PHOX2A: variants seen among roughly 807,000 people sequenced by gnomAD.
The protein encoded by PHOX2A is paired mesoderm homeobox protein 2A.
PHOX2A carries 10 observed loss-of-function variants against 16.4 expected under a neutral mutation model. That is an observed-to-expected ratio of 0.61 (90% CI 0.38 to 1.04). The LOEUF (loss-of-function observed/expected upper bound fraction) is 1.04, where lower values mean the gene tolerates loss of function less well. Ranked by LOEUF, PHOX2A falls within the 50% of genes least tolerant of loss-of-function variation. The pLI, the probability that PHOX2A is intolerant of heterozygous loss-of-function variation, is 0.01. For synonymous variants in PHOX2A, 219 were observed against 203.8 expected, an observed-to-expected ratio of 1.07 and a Z score of -0.64; for missense variants, 361 against 419.4, an observed-to-expected ratio of 0.86 and a Z score of 1.22.
At chr11:72,240,299 C>T in intron 2 of PHOX2A, 101 bp from the exon 3 acceptor site, 1 of 1,469,004 alleles carries the variant, frequency 6.8e-7, no homozygotes, top group Non-Finnish European at 9.0e-7. Flanking sequence ...CGGAAAGAAC[C>T]GGGCCCGGGT....
chr11:72,244,121 G>C lies in PHOX2A; in HGVS notation c.-117C>G. ...CGAGGACCCGAGGCCAGCTCTGAGC[G>C]CCCGAGAGTCCGCCCGCCCCGTCGC... On this transcript the variant is annotated 5_prime_UTR_variant, in exon 1 of 3. Transcript: ENST00000298231. 1 of 453,160 alleles carries C rather than the reference G, an allele frequency of 2.2e-6. No homozygotes were observed. The highest frequency in any genetic ancestry group is 3.6e-6 in the Non-Finnish European group (1 of 276,836). The allele number at this position is 453,160 out of a possible 1,614,324, so 28.1% of individuals were successfully genotyped here.
Position 72,241,226 on chromosome 11 carries a change from C to A in PHOX2A, c.281G>T (p.Arg94Leu). 1 of 1,580,224 alleles carries A rather than the reference C, an allele frequency of 6.3e-7. No individual in the cohort carries two copies. The highest frequency in any genetic ancestry group is 8.6e-7 in the Non-Finnish European group (1 of 1,163,108). The change falls in exon 2 of 3, where the codon CGC becomes CTC. Residue 94 changes from arginine to leucine, a missense_variant. By Grantham distance (102) the Arg-to-Leu change is moderately radical. Around this residue, in one of 3 missense-constraint regions of PHOX2A, gnomAD observed 235 missense variants for 263.8 expected, o/e 0.89. Transcript: ENST00000298231. ...GAGCTGCGCGCTGGTGAACGTGGTG[C>A]GGATGCGCCGCTGCTTGCGCTTCTC... The part of the protein sequence containing the change: ...LHEKRKQRRI[R>L]TTFTSAQLKE...
Position 72,241,151 on chromosome 11 carries a change from G to A in PHOX2A, c.356C>T (p.Thr119Met), listed in dbSNP as rs754855249. 1.3e-5 allele frequency: 21 copies of A among 1,613,922 alleles called. No individual in the cohort carries two copies. The highest frequency in any genetic ancestry group is 2.2e-5 in the East Asian group (1 of 44,888). The change falls in exon 2 of 3, where the codon ACG (threonine) becomes ATG (methionine). Residue 119 changes from threonine (T) to methionine (M), a missense_variant. Thr to Met is a moderately conservative substitution (Grantham distance 81). Transcript: ENST00000298231. ...GATCTTGAGCGCCAGCTCCTCACGC[G>A]TGTAAATGTCGGGGTAGTGGGTCTC... is the stretch of plus-strand genomic sequence containing the variant. ...FAETHYPDIY[T>M]REELALKIDL... is the part of the protein sequence containing the mutation.
At position 72,240,016 on chromosome 11, in the gene PHOX2A, A is replaced by AGGC. The variant is rs745799681; in HGVS notation, c.585_587dup (p.Pro196dup). 4.9e-6 allele frequency: 7 copies of AGGC among 1,431,986 alleles called. No homozygotes were observed. The highest frequency in any genetic ancestry group is 6.0e-5 in the East Asian group (2 of 33,062). 88.7% of individuals were successfully genotyped at this position (1,431,986 alleles called of 1,614,324 possible). On this transcript the variant is annotated inframe_insertion, in exon 3 of 3. Transcript: ENST00000298231. ...GGCGCGGGCTGGCCAGGCCGGGCGCAGGCGGCGGCGGCAGCGAGGCGGTGC... is the reference window on the plus strand; with the variant it reads ...GGCGCGGGCTGGCCAGGCCGGGCGCAGGCGGCGGCGGCGGCAGCGAGGCGGTGC...
rs1399988331 is a variant in PHOX2A, at chr11:72,239,908, C to G, written c.696G>C (p.Trp232Cys). 1 of 1,339,192 alleles carries G rather than the reference C, an allele frequency of 7.5e-7. No homozygotes were observed. The highest frequency in any genetic ancestry group is 3.4e-5 in the Admixed American group (1 of 29,678). The allele number at this position is 1,339,192 out of a possible 1,614,324, so 83.0% of individuals were successfully genotyped here. A position where few individuals can be genotyped will look rare whatever the true frequency, so the allele number is the denominator to read the frequency against. ...CGCCCCCACCGCCCGCCACACCGGCCCACAGTGCGCCCTTGAGCGGCTGTG... is the reference window on the plus strand; with the variant it reads ...CGCCCCCACCGCCCGCCACACCGGCGCACAGTGCGCCCTTGAGCGGCTGTG... ...PGPQPLKGAL[W>C]AGVAGGGGGG... Residue 232 changes from tryptophan to cysteine, a missense_variant, in exon 3 of 3, where the codon TGG (tryptophan) becomes TGC (cysteine). Transcript: ENST00000298231.
chr11:72,241,043 A>T, intron 2 of PHOX2A, 59 bp downstream of exon 2: 1 of 1,552,928 alleles, frequency 6.4e-7, no homozygotes, highest in Non-Finnish European at 8.9e-7. Flanking sequence ...GGTGTTAGAC[A>T]TTAAGCTCCC....
chr11:72,240,489 T>G (rs1162732105), intron 2 of PHOX2A, among the ~76,000 whole-genome samples: 1 of 152,184 alleles, frequency 6.6e-6, no homozygotes, highest in Non-Finnish European at 1.5e-5. Context: ...CTCCTCACTC[T>G]AAGTTCTTCC....
At chr11:72,240,656 A>T (rs919819548) in intron 2 of PHOX2A, among the ~76,000 whole-genome samples, 1 of 152,196 alleles carries the variant, frequency 6.6e-6, no homozygotes. Flanking sequence ...AATAGACAAC[A>T]GTCTGCTCTA....
At chr11:72,241,312 C>CGGGGGGGGGTGGGGGGGGGGGCG in intron 1 of PHOX2A, 23 bp from the exon 2 acceptor site, 2 of 399,390 alleles carry the variant, frequency 5.0e-6, no homozygotes, top group South Asian at 7.1e-5. Flanking sequence ...GCAGGGGGGC[C>CGGGGGGGGGTGGGGGGGGGGGCG]GGGGGGGGGG....
At chr11:72,242,959 G>A (rs186351901) in intron 1 of PHOX2A, among the ~76,000 whole-genome samples, 14 of 152,162 alleles carry the variant, frequency 9.2e-5, no homozygotes, top group Admixed American at 6.5e-4. Context: ...GAGCCACCGC[G>A]CCTGGCCCTT....
At chr11:72,243,716 G>T in intron 1 of PHOX2A, 72 bp downstream of exon 1, 2 of 887,426 alleles carry the variant, frequency 2.3e-6, no homozygotes, top group Non-Finnish European at 3.0e-6. Context: ...GGGGACAGTC[G>T]CATTCACTTG....
At chr11:72,242,452 C>T (rs1417812211) in intron 1 of PHOX2A, among the ~76,000 whole-genome samples, 8 of 152,150 alleles carry the variant, frequency 5.3e-5, no homozygotes, top group Admixed American at 4.6e-4. Flanking sequence ...TCCATCTCTG[C>T]TCCCATCTCT....
Position 72,243,839 on chromosome 11 carries a change from T to C in PHOX2A, c.166A>G (p.Asn56Asp), listed in dbSNP as rs1344828352. 17 of 1,253,578 alleles carry C rather than the reference T, an allele frequency of 1.4e-5. No homozygotes were observed. The highest frequency in any genetic ancestry group is 1.7e-5 in the Non-Finnish European group (17 of 996,310). The allele number at this position is 1,253,578 out of a possible 1,614,324, so 77.7% of individuals were successfully genotyped here. ...TCGCGTAGGGCGCCAAGTGCGCAGT[T>C]GGAGGAGCCGAGCGCGGGGCAGGGC... ...GPPCPALGSS[N>D]CALGALRDHQ... is the part of the protein sequence containing the mutation. Residue 56 changes from asparagine to aspartate, a missense_variant, in exon 1 of 3, where the codon AAC becomes GAC. Physicochemically the swap from Asn to Asp is conservative, Grantham distance 23 (BLOSUM62 1). This residue lies in a region of PHOX2A where 235 missense variants were observed against 263.8 expected (regional missense o/e 0.89). Transcript: ENST00000298231.
At chr11:72,241,021 C>T (rs573364351) in intron 2 of PHOX2A, 81 bp downstream of exon 2, 419 of 1,450,862 alleles carry the variant, frequency 2.9e-4, no homozygotes, top group Non-Finnish European at 3.9e-4. Flanking sequence ...TGCCTGTATT[C>T]CCCTACCCCC....
intron 1 of PHOX2A, among the ~76,000 whole-genome samples, chr11:72,242,544 T>A (rs1045313259): frequency 5.9e-5 from 9 of 152,098 alleles, no homozygotes; most frequent in Non-Finnish European, 4.4e-5. Context: ...CCTACCCTCA[T>A]CTGGCTCAGG....
rs1949086915 is a variant in PHOX2A, at chr11:72,239,215, C to CT, written c.*533dup. On this transcript the variant is annotated 3_prime_UTR_variant, in exon 3 of 3. Transcript: ENST00000298231. Reference sequence around the variant, plus strand: ...TTCCCCAGGCAGCCCCTCCACTCCTCTAACAGGTCCACCCTCTGTGCCAGA... The same window carrying CT: ...TTCCCCAGGCAGCCCCTCCACTCCTCTTAACAGGTCCACCCTCTGTGCCAGA... 6.6e-6 allele frequency: 1 copy of CT among 152,664 alleles called. No homozygotes were observed. Among genetic ancestry groups the CT allele is most frequent in the Non-Finnish European group, 1.5e-5 (1 of 68,406 alleles). 9.5% of individuals were successfully genotyped at this position (152,664 alleles called of 1,614,324 possible).
chr11:72,242,672 T>G (rs1229125419), intron 1 of PHOX2A, among the ~76,000 whole-genome samples: 1 of 152,052 alleles, frequency 6.6e-6, no homozygotes, highest in East Asian at 1.9e-4. Flanking sequence ...TTCTTTTTTT[T>G]TTGAGACCGA....
chr11:72,241,437 G>A (rs1565403115), intron 1 of PHOX2A, 148 bp from the exon 2 acceptor site: 1 of 615,492 alleles, frequency 1.6e-6, no homozygotes, highest in Non-Finnish European at 2.9e-6. Flanking sequence ...GGCAGCCTGG[G>A]GCCGAGCGTC....
chr11:72,239,787 G>A lies in PHOX2A; in HGVS notation c.817C>T (p.Arg273Trp). The A allele has an allele frequency of 7.5e-7, 1 of 1,339,546 alleles. No homozygotes were observed. The highest frequency in any genetic ancestry group is 2.3e-5 in the South Asian group (1 of 43,032). 83.0% of individuals were successfully genotyped at this position (1,339,546 alleles called of 1,614,324 possible). Residue 273 changes from arginine to tryptophan, a missense_variant, in exon 3 of 3, where the codon CGG becomes TGG. Physicochemically the swap from Arg to Trp is moderately radical, Grantham distance 101. Transcript: ENST00000298231. ...GTCTTCAGGGCGGGGCCGGGCTTCC[G>A]GTGAAAGGAGGACAGAACCCCGGAG... ...PFSGVLSSFH[R>W]KPGPALKTNL...
Sources: gnomAD v4.1 joint callset for allele counts (sites outside exome capture counted in the v4.1 genomes callset) on GRCh38, gnomAD v4.1.1 for gene constraint, gnomAD v4.1.1 regional missense constraint, MANE v1.5 for transcripts, NCBI Gene and HGNC (gene_info 2026-07-23, HGNC 2026-07-21) for gene names.